Variants in ASB4 observed in about 807,000 individuals in gnomAD.
ASB4 encodes the protein ankyrin repeat and SOCS box protein 4.
A neutral mutation model predicts 38.6 loss-of-function variants in ASB4; 35 were observed. The observed-to-expected ratio is 0.91, with a 90% CI of 0.69 to 1.20. ASB4 has a LOEUF of 1.20. Ranked by LOEUF, ASB4 falls within the 50% of genes most tolerant of loss-of-function variation. ASB4 has a pLI of 0.00. For synonymous variants in ASB4, 195 were observed against 201.3 expected, an observed-to-expected ratio of 0.97 and a Z score of 0.26; for missense variants, 557 against 527.2, an observed-to-expected ratio of 1.06 and a Z score of -0.55.
At chr7:95,522,930 C>G (rs1462619191) in intron 2 of ASB4, among the ~76,000 whole-genome samples, 4 of 152,192 alleles carry the variant, frequency 2.6e-5, no homozygotes, top group Non-Finnish European at 5.9e-5. Flanking sequence ...GAAGGAACTT[C>G]TCCCATTAAA....
At chr7:95,513,647 C>T (rs1360643265) in intron 2 of ASB4, among the ~76,000 whole-genome samples, 1 of 152,160 alleles carries the variant, frequency 6.6e-6, no homozygotes, top group Non-Finnish European at 1.5e-5. Context: ...AATAGCTAAG[C>T]AGCATGGCCC....
intron 1 of ASB4, 121 bp from the exon 2 acceptor site, chr7:95,495,637 T>C: frequency 1.0e-6 from 1 of 980,042 alleles, no homozygotes; most frequent in African/African-American, 1.6e-5. Flanking sequence ...TGTCATCCCC[T>C]CTCCACCCCA....
At chr7:95,479,133 C>T (rs1040312398) in intron 1 of ASB4, among the ~76,000 whole-genome samples, 1 of 152,180 alleles carries the variant, frequency 6.6e-6, no homozygotes, top group Non-Finnish European at 1.5e-5. Flanking sequence ...TAGTAGGTCT[C>T]ATTTTACTTA....
chr7:95,522,819 T>A (rs918894943), intron 2 of ASB4, among the ~76,000 whole-genome samples: 2 of 152,230 alleles, frequency 1.3e-5, no homozygotes, highest in Admixed American at 1.3e-4. Context: ...GAAAATTCCC[T>A]CTTCTTTATC....
intron 3 of ASB4, among the ~76,000 whole-genome samples, chr7:95,529,134 T>C (rs1790785564): frequency 6.6e-6 from 1 of 152,180 alleles, no homozygotes; most frequent in South Asian, 2.1e-4. Context: ...AATTTTAATA[T>C]GCTGTGGTAA....
upstream of ASB4, among the ~76,000 whole-genome samples, chr7:95,478,255 G>GTTGTGAAAATATTCCC (rs1789995125): frequency 6.6e-6 from 1 of 152,270 alleles, no homozygotes; most frequent in East Asian, 1.9e-4. Context: ...ATTCCCTCGA[G>GTTGTGAAAATATTCCC]TTGATGTTGT....
chr7:95,526,139 G>A lies in ASB4; in HGVS notation c.488-1674G>A, dbSNP rs543319604. Among the ~76,000 whole-genome samples the A allele has an allele frequency of 5.6e-4, 86 of 152,262 alleles. 1 individual carries two copies. The highest frequency in any genetic ancestry group is 2.0e-3 in the African/African-American group (82 of 41,554). Reference sequence around the variant, plus strand: ...ATTTTCCTTCAGAAAAGTAATATGAGGTGGAATAGAACAGTGATAAGGAAT... The same window carrying A: ...ATTTTCCTTCAGAAAAGTAATATGAAGTGGAATAGAACAGTGATAAGGAAT... On this transcript the variant is annotated intron_variant, in intron 2 of 4. Transcript: ENST00000325885.
At chr7:95,542,372 A>G (rs922945668), downstream of ASB4, 1 of 152,222 alleles carries the variant, frequency 6.6e-6, no homozygotes, top group African/African-American at 2.4e-5. Context: ...TCTGCCATCA[A>G]TGAAAAACAA....
intron 2 of ASB4, among the ~76,000 whole-genome samples, chr7:95,502,251 CAT>C (rs1452582141): frequency 1.3e-5 from 2 of 152,048 alleles, no homozygotes; most frequent in African/African-American, 2.4e-5. Context: ...TAATCAGTAA[CAT>C]GTCAATTAAA....
intron 2 of ASB4, among the ~76,000 whole-genome samples, chr7:95,510,166 T>C (rs940136808): frequency 6.6e-6 from 1 of 152,144 alleles, no homozygotes; most frequent in Non-Finnish European, 1.5e-5. Flanking sequence ...ATTAGAAGTG[T>C]GTTTAATGAA....
rs771336747 is a variant in ASB4 at position 95,527,987 on chromosome 7, G to C, written c.662G>C (p.Arg221Pro). ...GCCATCGCCGCCTACTGGGCCCTCCGCTTTAAGGAGCAGGAGTACAGCACG... is the reference window on the plus strand; with the variant it reads ...GCCATCGCCGCCTACTGGGCCCTCCCCTTTAAGGAGCAGGAGTACAGCACG... ...PLAIAAYWAL[R>P]FKEQEYSTEH... Residue 221 changes from arginine (R) to proline (P), a missense_variant, in exon 3 of 5, where the codon CGC becomes CCC. Coordinates refer to ENST00000325885, the MANE Select transcript of ASB4 (RefSeq NM_016116.3). 6.2e-7 allele frequency: 1 copy of C among 1,614,072 alleles called. No homozygotes were observed. The highest frequency in any genetic ancestry group is 8.5e-7 in the Non-Finnish European group (1 of 1,180,016).
At position 95,529,221 on chromosome 7, in the gene ASB4, T is replaced by A. The variant is rs73711343; in HGVS notation, c.978+918T>A. ...TTTTGCATAGTTTTATAGCTAGTAA[T>A]TAATTTGGAGGCCAAAATGCATTTT... On this transcript the variant is annotated intron_variant, in intron 3 of 4. Coordinates refer to ENST00000325885, the MANE Select transcript of ASB4 (RefSeq NM_016116.3). Among the ~76,000 whole-genome samples, 1,431 of 152,302 alleles carry A rather than the reference T, an allele frequency of 9.4e-3. 20 individuals are homozygous for A. Among genetic ancestry groups the A allele is most frequent in the African/African-American group, 0.032 (1,329 of 41,554 alleles).
chr7:95,517,601 G>GA (rs111917269), intron 2 of ASB4, among the ~76,000 whole-genome samples: 11,353 of 141,014 alleles, frequency 0.081, 1,389 homozygotes, highest in African/African-American at 0.27. Context: ...CAAGGAAACT[G>GA]AAAAAAAAAA....
chr7:95,522,712 C>A (rs1790680706), intron 2 of ASB4, among the ~76,000 whole-genome samples: 1 of 152,186 alleles, frequency 6.6e-6, no homozygotes, highest in East Asian at 1.9e-4. Context: ...AGGAAGGGGT[C>A]TCCATCTTCT....
At chr7:95,508,256 C>G (rs898985573) in intron 2 of ASB4, among the ~76,000 whole-genome samples, 1 of 151,942 alleles carries the variant, frequency 6.6e-6, no homozygotes, top group Non-Finnish European at 1.5e-5. Context: ...TCTGTTCTAT[C>G]GTAGCCAGAG....
chr7:95,498,238 AG>A (rs1426157354), intron 2 of ASB4, among the ~76,000 whole-genome samples: 1 of 152,196 alleles, frequency 6.6e-6, no homozygotes, highest in African/African-American at 2.4e-5. Context: ...TGGGAGGCCA[AG>A]GTGGGAGAAC....
At chr7:95,543,332 T>G (rs545151480), downstream of ASB4, 1 of 152,264 alleles carries the variant, frequency 6.6e-6, no homozygotes, top group South Asian at 2.1e-4. Context: ...CGGCAGAAGA[T>G]TGGGGCCCTT....
chr7:95,527,336 A>G (rs1790752397), intron 2 of ASB4, among the ~76,000 whole-genome samples: 1 of 152,316 alleles, frequency 6.6e-6, no homozygotes, highest in Admixed American at 6.5e-5. Context: ...ACTTGCATCA[A>G]ACTTTTAGGT....
At chr7:95,504,450 G>A (rs1379431693) in intron 2 of ASB4, among the ~76,000 whole-genome samples, 2 of 152,168 alleles carry the variant, frequency 1.3e-5, no homozygotes, top group African/African-American at 4.8e-5. Flanking sequence ...CTGCTGGACA[G>A]ACGCTGCTCT....
Sources: gnomAD v4.1 joint callset for allele counts (sites outside exome capture counted in the v4.1 genomes callset) on GRCh38, gnomAD v4.1.1 for gene constraint, MANE v1.5 for transcripts, NCBI Gene and HGNC (gene_info 2026-07-23, HGNC 2026-07-21) for gene names.